The following ARAP2 variants were observed in gnomAD, a reference collection of about 807,000 sequenced individuals.
ARAP2 encodes ArfGAP with RhoGAP domain, ankyrin repeat and PH domain 2.
Under a neutral mutation model 194.5 loss-of-function variants are expected in ARAP2, and 148 were observed. That is an observed-to-expected ratio of 0.76 (90% CI 0.67 to 0.87). The LOEUF (loss-of-function observed/expected upper bound fraction) is 0.87. ARAP2 is among the 40% of genes least tolerant of loss of function. ARAP2 has a pLI of 0.00. For synonymous variants in ARAP2, 695 were observed against 683.5 expected, an observed-to-expected ratio of 1.02 and a Z score of -0.26; for missense variants, 2,128 against 1,989.7, an observed-to-expected ratio of 1.07 and a Z score of -1.32.
At chr4:36,042,968 A>T (rs556041114) in intron 5 of ARAP2, among the ~76,000 whole-genome samples, 5 of 151,892 alleles carry the variant, frequency 3.3e-5, no homozygotes, top group African/African-American at 1.2e-4. Context: ...TCAGCCTACC[A>T]AGTAACTGGG....
At chr4:36,071,962 G>C (rs1266156548) in intron 32 of ARAP2, among the ~76,000 whole-genome samples, 4 of 149,606 alleles carry the variant, frequency 2.7e-5, no homozygotes, top group Non-Finnish European at 5.9e-5. Context: ...TTGGTTTTTT[G>C]TTCTTGAAAT....
At chr4:36,050,319 T>C (rs1439215854) in intron 3 of ARAP2, among the ~76,000 whole-genome samples, 1 of 152,248 alleles carries the variant, frequency 6.6e-6, no homozygotes, top group Non-Finnish European at 1.5e-5. Flanking sequence ...TGTCTGATAT[T>C]GTTTTACCTT....
intron 5 of ARAP2, among the ~76,000 whole-genome samples, chr4:36,029,731 T>A (rs1473598473): frequency 6.6e-6 from 1 of 151,934 alleles, no homozygotes; most frequent in Non-Finnish European, 1.5e-5. Context: ...TTGTAAAGAT[T>A]TCAGTTTTTC....
rs543249048 is a variant in ARAP2, at chr4:36,024,142, G to A, written n.608-4856C>T. Among the ~76,000 whole-genome samples, 13 of 152,082 alleles carry A rather than the reference G, an allele frequency of 8.5e-5. No homozygotes were observed. In the South Asian group the frequency reaches 1.7e-3, roughly 19 times the overall value. On this transcript the variant is annotated intron_variant and non_coding_transcript_variant, in intron 5 of 12. Transcript: ENST00000503225. ...AAGGATGAAAGGTAAACTTCATATC[G>A]GAGTTTCCATCCAAATCAGTCTCAT...
chr4:36,063,709 C>CTTCCTTG (rs758806921), downstream of ARAP2, among the ~76,000 whole-genome samples: 8 of 152,314 alleles, frequency 5.3e-5, no homozygotes, highest in East Asian at 1.3e-3. Flanking sequence ...ATAAAGTTGC[C>CTTCCTTG]TTCCTTGTTC....
chr4:36,242,378 A>T (rs1753685947), intron 1 of ARAP2, among the ~76,000 whole-genome samples: 1 of 152,176 alleles, frequency 6.6e-6, no homozygotes, highest in Non-Finnish European at 1.5e-5. Context: ...AGCAATGACT[A>T]TTATTTATAC....
At chr4:36,028,757 GT>G in intron 5 of ARAP2, among the ~76,000 whole-genome samples, 1 of 151,134 alleles carries the variant, frequency 6.6e-6, no homozygotes, top group East Asian at 1.9e-4. Context: ...ATTTGGACTT[GT>G]TTTGTGTTTT....
intron 28 of ARAP2, among the ~76,000 whole-genome samples, chr4:36,088,783 C>G (rs947318589): frequency 4.6e-5 from 7 of 152,076 alleles, no homozygotes; most frequent in Non-Finnish European, 1.0e-4. Flanking sequence ...CAGAACAAGA[C>G]AGCCACAGCT....
At chr4:36,213,187 T>C (rs1427547649) in intron 4 of ARAP2, 56 bp downstream of exon 4, 2 of 1,257,768 alleles carry the variant, frequency 1.6e-6, no homozygotes, top group African/African-American at 1.5e-5. Context: ...GAGGTACAAA[T>C]AGGCAGAAAA....
chr4:36,149,423 T>C (rs933496204), intron 16 of ARAP2, among the ~76,000 whole-genome samples: 1 of 152,188 alleles, frequency 6.6e-6, no homozygotes, highest in Non-Finnish European at 1.5e-5. Flanking sequence ...CTTCCTAAAA[T>C]ATGTCTATAT....
chr4:36,056,843 TA>T (rs1402375748), intron 2 of ARAP2, among the ~76,000 whole-genome samples: 7 of 152,314 alleles, frequency 4.6e-5, no homozygotes, highest in African/African-American at 1.7e-4. Flanking sequence ...CTTGACATTG[TA>T]ACTAATACAA....
At position 36,244,410 on chromosome 4, in the gene ARAP2, C is replaced by T. The variant is rs1288399581; in HGVS notation, c.-391G>A. The T allele has an allele frequency of 6.7e-6, 1 of 150,090 alleles. No homozygotes were observed. The highest frequency in any genetic ancestry group is 1.5e-5 in the Non-Finnish European group (1 of 67,280). The allele number at this position is 150,090 out of a possible 1,614,324, so 9.3% of individuals were successfully genotyped here. On this transcript the variant is annotated 5_prime_UTR_variant, in exon 1 of 33. Coordinates refer to ENST00000303965, the MANE Select transcript of ARAP2 (RefSeq NM_015230.4). ...GTGTCGCGGCCGCCGCACCTGGAGG[C>T]GGGGAGCGCGGGCCGCGGACCCGCG...
At chr4:36,148,190 G>T (rs569285292) in intron 17 of ARAP2, among the ~76,000 whole-genome samples, 1 of 152,100 alleles carries the variant, frequency 6.6e-6, no homozygotes, top group Non-Finnish European at 1.5e-5. Context: ...TTAATTTGAA[G>T]AATGATTTCT....
At position 36,020,904 on chromosome 4, in the gene ARAP2, A is replaced by G. The variant is rs546772173; in HGVS notation, n.608-1618T>C. ...AAAGTTTGGAATAGTGAATGATTCA[A>G]GAACTTTTTACAAGATGGTATATAC... On this transcript the variant is annotated intron_variant and non_coding_transcript_variant, in intron 5 of 12. Coordinates refer to the ARAP2 transcript ENST00000503225. 7.2e-5 allele frequency among the ~76,000 whole-genome samples: 11 copies of G among 152,350 alleles called. No individual in the cohort carries two copies. In the East Asian group the frequency reaches 1.9e-3, roughly 27 times the overall value.
chr4:36,081,029 T>A (rs536324105), intron 30 of ARAP2, among the ~76,000 whole-genome samples: 2 of 152,200 alleles, frequency 1.3e-5, no homozygotes, highest in Non-Finnish European at 2.9e-5. Context: ...GTAATTGTAT[T>A]CTTTACATTC....
chr4:36,128,508 C>T, intron 21 of ARAP2, 25 bp downstream of exon 21: 1 of 771,364 alleles, frequency 1.3e-6, no homozygotes, highest in Non-Finnish European at 1.9e-6. Context: ...ACACACATAT[C>T]TACAAATATC....
chr4:36,197,647 G>A (rs987659716), intron 6 of ARAP2, among the ~76,000 whole-genome samples: 2 of 152,186 alleles, frequency 1.3e-5, no homozygotes, highest in African/African-American at 2.4e-5. Context: ...CACTGCCAAC[G>A]GCAAGCCAGG....
At chr4:36,056,206 G>A (rs911087622) in intron 2 of ARAP2, among the ~76,000 whole-genome samples, 3 of 152,002 alleles carry the variant, frequency 2.0e-5, no homozygotes, top group Non-Finnish European at 4.4e-5. Flanking sequence ...AAGTATGTGG[G>A]GTATATACAC....
intron 27 of ARAP2, among the ~76,000 whole-genome samples, chr4:36,098,323 C>T (rs1290677361): frequency 1.3e-5 from 2 of 151,998 alleles, no homozygotes. Flanking sequence ...CACTTCATTC[C>T]CATTGTTATC....
Sources: allele counts gnomAD v4.1 joint callset (sites outside exome capture counted in the v4.1 genomes callset), GRCh38; gene constraint gnomAD v4.1.1; transcripts MANE v1.5; gene names NCBI Gene and HGNC (gene_info 2026-07-23, HGNC 2026-07-21).